The following TRPC4 variants were observed in gnomAD, a reference collection of about 807,000 sequenced individuals.
TRPC4 encodes the protein transient receptor potential cation channel subfamily C member 4, also known as short transient receptor potential channel 4.
A neutral mutation model predicts 99.4 loss-of-function variants in TRPC4; 49 were observed. The ratio of observed to expected loss-of-function variants is 0.49; its 90% CI spans 0.39 to 0.63. The LOEUF (loss-of-function observed/expected upper bound fraction) is 0.63. Among genes scored for constraint, TRPC4 ranks in the 20% least tolerant of loss-of-function variants. The pLI is 0.00. For synonymous variants in TRPC4, 454 were observed against 425.9 expected (o/e 1.07, Z -0.81); for missense variants, 898 against 1,152.9 (o/e 0.78, Z 3.20).
intron 4 of TRPC4, among the ~76,000 whole-genome samples, chr13:37,677,512 T>C (rs1474241978): frequency 6.6e-6 from 1 of 152,000 alleles, no homozygotes; most frequent in African/African-American, 2.4e-5. Flanking sequence ...GTGGCTACAT[T>C]AATATAAAAG....
chr13:37,696,754 G>A (rs1234553218), intron 3 of TRPC4, among the ~76,000 whole-genome samples: 1 of 152,102 alleles, frequency 6.6e-6, no homozygotes, highest in Non-Finnish European at 1.5e-5. Flanking sequence ...GTATTACTGT[G>A]TATTCTTCAG....
At chr13:37,826,659 G>A (rs1057012902) in intron 1 of TRPC4, among the ~76,000 whole-genome samples, 3 of 152,016 alleles carry the variant, frequency 2.0e-5, no homozygotes, top group Non-Finnish European at 4.4e-5. Context: ...AGTCTGATGG[G>A]CTTCCCTTTG....
chr13:37,780,357 TA>T (rs1566165561), intron 2 of TRPC4, among the ~76,000 whole-genome samples: 2 of 125,446 alleles, frequency 1.6e-5, no homozygotes, highest in Non-Finnish European at 3.5e-5. Flanking sequence ...TTTAGGATGT[TA>T]CATTTATTTT....
intron 1 of TRPC4, among the ~76,000 whole-genome samples, chr13:37,803,968 T>C (rs139078882): frequency 6.6e-6 from 1 of 152,218 alleles, no homozygotes; most frequent in Non-Finnish European, 1.5e-5. Context: ...ACCCTGTTAA[T>C]GTTAGATTTA....
At position 37,674,397 on chromosome 13, in the gene TRPC4, A is replaced by T. The variant is rs771361977; in HGVS notation, c.1235-30T>A. 5.0e-6 allele frequency: 8 copies of T among 1,588,778 alleles called. No homozygotes were observed. The South Asian group carries it at 9.6e-5, about 19-fold the overall frequency. On this transcript the variant is annotated intron_variant, in intron 4 of 10. Transcript: ENST00000379705. ...AATTATAGAAAGATTCATTGTAAGTATGATTTCAATAGAATCACTAAAAAA... is the reference window on the plus strand; with the variant it reads ...AATTATAGAAAGATTCATTGTAAGTTTGATTTCAATAGAATCACTAAAAAA...
intron 1 of TRPC4, among the ~76,000 whole-genome samples, chr13:37,806,633 T>C (rs750964347): frequency 3.3e-5 from 5 of 152,044 alleles, no homozygotes; most frequent in Non-Finnish European, 7.4e-5. Context: ...TGAAAAAATA[T>C]TCCTTTTGTC....
intron 1 of TRPC4, among the ~76,000 whole-genome samples, chr13:37,797,650 C>A (rs1475820710): frequency 2.0e-5 from 3 of 152,252 alleles, no homozygotes; most frequent in Non-Finnish European, 4.4e-5. Context: ...ACTCAGACAT[C>A]AGTTATGCAA....
intron 2 of TRPC4, among the ~76,000 whole-genome samples, chr13:37,766,097 T>C (rs1956357595): frequency 1.3e-5 from 2 of 151,498 alleles, no homozygotes; most frequent in African/African-American, 4.8e-5. Context: ...TTGAAGGTTC[T>C]AATGAAGCCT....
chr13:37,727,814 T>G (rs1445515397), intron 3 of TRPC4, among the ~76,000 whole-genome samples: 2 of 151,998 alleles, frequency 1.3e-5, no homozygotes, highest in Admixed American at 1.3e-4. Context: ...ATGAGCAAAT[T>G]TTTGGAAACA....
At chr13:37,717,006 C>T (rs1954697431) in intron 3 of TRPC4, among the ~76,000 whole-genome samples, 1 of 151,884 alleles carries the variant, frequency 6.6e-6, no homozygotes, top group African/African-American at 2.4e-5. Context: ...TTTGATCTGG[C>T]GACCTAGAGT....
chr13:37,729,541 T>C (rs1289914382), intron 3 of TRPC4, among the ~76,000 whole-genome samples: 24 of 152,160 alleles, frequency 1.6e-4, no homozygotes. Context: ...CTCATTTCTA[T>C]AGCAGTACGA....
chr13:37,840,949 AT>A (rs1205511003), intron 1 of TRPC4, among the ~76,000 whole-genome samples: 2 of 152,090 alleles, frequency 1.3e-5, no homozygotes, highest in African/African-American at 4.8e-5. Context: ...TATTTTTGCT[AT>A]TCAAGTAATT....
intron 2 of TRPC4, among the ~76,000 whole-genome samples, chr13:37,750,777 T>C (rs1424399199): frequency 6.6e-6 from 1 of 152,012 alleles, no homozygotes; most frequent in Non-Finnish European, 1.5e-5. Context: ...TAAGTATTTT[T>C]CCTAATGCTA....
intron 5 of TRPC4, among the ~76,000 whole-genome samples, chr13:37,670,805 A>G (rs541386838): frequency 6.6e-6 from 1 of 152,300 alleles, no homozygotes; most frequent in Admixed American, 6.5e-5. Flanking sequence ...ATCATCCAAA[A>G]TAGATAGTGA....
At chr13:37,677,413 A>T (rs1953097624) in intron 4 of TRPC4, among the ~76,000 whole-genome samples, 1 of 152,058 alleles carries the variant, frequency 6.6e-6, no homozygotes, top group Admixed American at 6.5e-5. Flanking sequence ...ATATGAAAAA[A>T]GTACAGGCAT....
At chr13:37,751,962 G>T (rs975872798) in intron 2 of TRPC4, among the ~76,000 whole-genome samples, 18 of 150,426 alleles carry the variant, frequency 1.2e-4, no homozygotes, top group Non-Finnish European at 2.2e-4. Context: ...ATTTTAATCT[G>T]AAACTTTCAG....
At chr13:37,808,305 G>A (rs1356641193) in intron 1 of TRPC4, among the ~76,000 whole-genome samples, 1 of 152,010 alleles carries the variant, frequency 6.6e-6, no homozygotes, top group Non-Finnish European at 1.5e-5. Context: ...AAGTACATTA[G>A]TATATGTTTA....
At chr13:37,751,578 C>G (rs1955934784) in intron 2 of TRPC4, among the ~76,000 whole-genome samples, 1 of 151,950 alleles carries the variant, frequency 6.6e-6, no homozygotes, top group Admixed American at 6.6e-5. Flanking sequence ...CAGTTCTTTC[C>G]CTCCACTACT....
At chr13:37,732,475 G>A (rs1432251511) in intron 3 of TRPC4, among the ~76,000 whole-genome samples, 2 of 151,782 alleles carry the variant, frequency 1.3e-5, no homozygotes, top group African/African-American at 4.8e-5. Context: ...AGAGCAATTA[G>A]GCAAAAGAAA....
Sources: allele counts gnomAD v4.1 joint callset (sites outside exome capture counted in the v4.1 genomes callset), GRCh38; gene constraint gnomAD v4.1.1; transcripts MANE v1.5; gene names NCBI Gene and HGNC (gene_info 2026-07-23, HGNC 2026-07-21).